The following SEC31B variants were observed in gnomAD, a reference collection of about 807,000 sequenced individuals.
The protein encoded by SEC31B is SEC31 homolog B, COPII component.
SEC31B carries 113 observed loss-of-function variants against 135.0 expected under a neutral mutation model. The ratio of observed to expected loss-of-function variants is 0.84; its 90% CI spans 0.72 to 0.98. SEC31B has a LOEUF of 0.98. Among genes scored for constraint, SEC31B ranks in the 50% least tolerant of loss-of-function variants. The pLI is 0.00. For missense variants in SEC31B, 1,296 were observed against 1,421.1 expected (o/e 0.91, Z 1.42); for synonymous variants, 508 against 549.4 (o/e 0.92, Z 1.05).
At position 100,498,102 on chromosome 10, in the gene SEC31B, T is replaced by G. The variant is rs1028778924; in HGVS notation, c.1790A>C (p.Gln597Pro). 6.2e-7 allele frequency: 1 copy of G among 1,614,202 alleles called. No individual in the cohort carries two copies. Among genetic ancestry groups the G allele is most frequent in the African/African-American group, 1.3e-5 (1 of 75,046 alleles). ...ERFADAIILA[Q>P]AGGTDLLKQT... ...CTTCAGCAGATCTGTACCCCCAGCC[T>G]GGGCCAGGATAATGGCATCAGCAAA... is the stretch of plus-strand genomic sequence containing the variant. Residue 597 changes from glutamine to proline, a missense_variant, in exon 15 of 26, where the codon CAG (glutamine) becomes CCG (proline). Physicochemically the swap from Gln to Pro is moderately conservative, Grantham distance 76 (BLOSUM62 -1). Transcript: ENST00000370345.
intron 22 of SEC31B, 48 bp downstream of exon 22, chr10:100,489,655 G>A: frequency 6.2e-7 from 1 of 1,613,060 alleles, no homozygotes; most frequent in Non-Finnish European, 8.5e-7. Flanking sequence ...ATTAGAACGT[G>A]GTCATTGGTG....
chr10:100,506,222 A>G (rs766045640), intron 8 of SEC31B, 21 bp from the exon 9 acceptor site: 5 of 1,614,152 alleles, frequency 3.1e-6, no homozygotes, highest in Non-Finnish European at 4.2e-6. Flanking sequence ...GGAACACACC[A>G]TTAGGGACAG....
At chr10:100,505,711 A>C in intron 9 of SEC31B, 1 of 1,417,372 alleles carries the variant, frequency 7.1e-7, no homozygotes, top group Non-Finnish European at 9.2e-7. Flanking sequence ...CAAAGTCTAC[A>C]ATGGAGTGTG....
chr10:100,519,280 G>C (rs1315618403), intron 1 of SEC31B, among the ~76,000 whole-genome samples: 1 of 152,268 alleles, frequency 6.6e-6, no homozygotes, highest in African/African-American at 2.4e-5. Context: ...GCTGGGGTCA[G>C]ATTGGCCATG....
chr10:100,492,895 C>A (rs1226700528), intron 19 of SEC31B, among the ~76,000 whole-genome samples: 2 of 152,130 alleles, frequency 1.3e-5, no homozygotes, highest in Non-Finnish European at 2.9e-5. Flanking sequence ...AAAATATGTA[C>A]AGGATTGGTG....
In SEC31B at chr10:100,498,022, C is replaced by T; in HGVS notation, c.1863+7G>A. 1.2e-6 allele frequency: 2 copies of T among 1,613,924 alleles called. No homozygotes were observed. The highest frequency in any genetic ancestry group is 1.7e-6 in the Non-Finnish European group (2 of 1,179,852). On this transcript the variant is annotated splice_region_variant and intron_variant, in intron 15 of 25. Transcript: ENST00000370345. ...CTCCCTTCTTCTCCTGCATGATGGGCAGTTACCGAGGAGATTTTGGTTTTC... is the reference window on the plus strand; with the variant it reads ...CTCCCTTCTTCTCCTGCATGATGGGTAGTTACCGAGGAGATTTTGGTTTTC...
At chr10:100,501,582 CTTT>C (rs1564651104) in intron 11 of SEC31B, 1 of 152,264 alleles carries the variant, frequency 6.6e-6, no homozygotes, top group East Asian at 1.9e-4. Flanking sequence ...AGGCCCAATC[CTTT>C]TTGCTTTCTT....
chr10:100,516,099 C>T lies in SEC31B; in HGVS notation c.200G>A (p.Ser67Asn). 3 of 1,614,132 alleles carry T rather than the reference C, an allele frequency of 1.9e-6. No homozygotes were observed. The highest frequency in any genetic ancestry group is 2.5e-6 in the Non-Finnish European group (3 of 1,179,998). Residue 67 changes from serine to asparagine, a missense_variant, in exon 3 of 26, where the codon AGC becomes AAC. Coordinates refer to ENST00000370345, the MANE Select transcript of SEC31B (RefSeq NM_015490.4). ...CCATCAATAGATCAGACAATACCTG[C>T]TCAAGGCAGAAAGGACTCCTCTGTG... ...LKHRGVLSAL[S>N]RFHKLVWGSF...
rs1851446399 is a variant in SEC31B, at chr10:100,498,035, G to C, written c.1857C>G (p.Ile619Met). Residue 619 changes from isoleucine to methionine, a missense_variant, in exon 15 of 26, where the codon ATC becomes ATG. Coordinates refer to ENST00000370345, the MANE Select transcript of SEC31B (RefSeq NM_015490.4). ...CTGCATGATGGGCAGTTACCGAGGA[G>C]ATTTTGGTTTTCTTCTTGGCCAAGT... ...ERYLAKKKTK[I>M]SSLLACVVQK... The C allele has an allele frequency of 6.2e-7, 1 of 1,614,082 alleles. No homozygotes were observed. Among genetic ancestry groups the C allele is most frequent in the South Asian group, 1.1e-5 (1 of 91,088 alleles).
intron 19 of SEC31B, among the ~76,000 whole-genome samples, chr10:100,492,929 T>C (rs1371157290): frequency 6.6e-6 from 1 of 152,176 alleles, no homozygotes; most frequent in Admixed American, 6.5e-5. Flanking sequence ...AAAACGCTGA[T>C]GGAGAAACAT....
intron 11 of SEC31B, among the ~76,000 whole-genome samples, chr10:100,501,181 G>A (rs1341215451): frequency 2.0e-5 from 3 of 152,074 alleles, no homozygotes; most frequent in Non-Finnish European, 4.4e-5. Context: ...GGAGGCAGAA[G>A]TTGCAGTAAG....
chr10:100,489,948 T>C (rs1851267910), intron 21 of SEC31B, 60 bp downstream of exon 21: 1 of 1,531,184 alleles, frequency 6.5e-7, no homozygotes, highest in Admixed American at 2.2e-5. Context: ...ACTCCCAAAG[T>C]AGTGAGAGGA....
At chr10:100,490,665 C>A in intron 20 of SEC31B, 41 bp downstream of exon 20, 1 of 1,507,438 alleles carries the variant, frequency 6.6e-7, no homozygotes, top group South Asian at 1.4e-5. Flanking sequence ...TTCCTGAGAC[C>A]TCTGTGCTCT....
intron 7 of SEC31B, 28 bp from the exon 8 acceptor site, chr10:100,506,448 C>T (rs954031525): frequency 5.6e-6 from 9 of 1,607,990 alleles, no homozygotes; most frequent in African/African-American, 2.7e-5. Context: ...GAGGAACTAG[C>T]ATTTGTTGAA....
chr10:100,499,667 C>A, intron 11 of SEC31B, 69 bp from the exon 12 acceptor site: 2 of 1,179,990 alleles, frequency 1.7e-6, no homozygotes, highest in Non-Finnish European at 1.2e-6. Flanking sequence ...CTACAACAAG[C>A]TGGGTATCTG....
rs887487260 is a variant in SEC31B at position 100,489,833 on chromosome 10, G to A, written c.2966-72C>T. 4 of 1,607,174 alleles carry A rather than the reference G, an allele frequency of 2.5e-6. No homozygotes were observed. The African/African-American group carries it at 5.4e-5, about 22-fold the overall frequency. ...CTGGAAGTTTTTTATCTGAAGGCTG[G>A]AAGCATTCTTTGAGTTGGAGTTCAC... is the stretch of plus-strand genomic sequence containing the variant. On this transcript the variant is annotated intron_variant, in intron 21 of 25. Coordinates refer to ENST00000370345, the MANE Select transcript of SEC31B (RefSeq NM_015490.4).
intron 5 of SEC31B, 52 bp from the exon 6 acceptor site, chr10:100,508,103 G>A: frequency 6.2e-7 from 1 of 1,607,732 alleles, no homozygotes; most frequent in Non-Finnish European, 8.5e-7. Context: ...CCTGGACAAA[G>A]TGACATCTGC....
intron 19 of SEC31B, among the ~76,000 whole-genome samples, chr10:100,493,161 C>G (rs1200681450): frequency 6.6e-6 from 1 of 152,052 alleles, no homozygotes; most frequent in Non-Finnish European, 1.5e-5. Flanking sequence ...ATCACGAGGT[C>G]GGGAGATCAA....
chr10:100,519,647 G>C (rs370258087), intron 1 of SEC31B, 135 bp downstream of exon 1: 2 of 152,348 alleles, frequency 1.3e-5, no homozygotes, highest in African/African-American at 4.8e-5. Context: ...CCGGACCCGC[G>C]GGCAGGGCAG....
Sources: gnomAD v4.1 joint callset for allele counts (sites outside exome capture counted in the v4.1 genomes callset) on GRCh38, gnomAD v4.1.1 for gene constraint, MANE v1.5 for transcripts, NCBI Gene and HGNC (gene_info 2026-07-23, HGNC 2026-07-21) for gene names.